PRKD1: variants seen among roughly 807,000 people sequenced by gnomAD.
PRKD1 encodes protein kinase D1, also known as serine/threonine-protein kinase D1.
PRKD1 carries 63 observed loss-of-function variants against 95.9 expected under a neutral mutation model. The ratio of observed to expected loss-of-function variants is 0.66; its 90% CI spans 0.54 to 0.81. The LOEUF is 0.81. PRKD1 is among the 30% of genes least tolerant of loss of function. The probability of loss-of-function intolerance (pLI) is 0.00; values close to 1 mark genes in which losing one functional copy is unlikely to be tolerated. For missense variants in PRKD1, 1,048 were observed against 1,165.3 expected (o/e 0.90, Z 1.47); for synonymous variants, 425 against 423.1 (o/e 1.00, Z -0.05).
intron 2 of PRKD1, among the ~76,000 whole-genome samples, chr14:29,676,851 C>T (rs1883255394): frequency 6.6e-6 from 1 of 152,156 alleles, no homozygotes; most frequent in African/African-American, 2.4e-5. Flanking sequence ...ATTTATGAGA[C>T]CCTCTAGAGC....
chr14:29,878,359 A>C (rs1893381230), intron 1 of PRKD1, among the ~76,000 whole-genome samples: 1 of 151,608 alleles, frequency 6.6e-6, no homozygotes, highest in Non-Finnish European at 1.5e-5. Flanking sequence ...AAAAAAAAAA[A>C]AAACCTACAC....
At chr14:29,813,262 C>A (rs894891440) in intron 1 of PRKD1, among the ~76,000 whole-genome samples, 1 of 152,120 alleles carries the variant, frequency 6.6e-6, no homozygotes, top group African/African-American at 2.4e-5. Flanking sequence ...TGTGGGAAAG[C>A]CCAAAATCAA....
intron 1 of PRKD1, among the ~76,000 whole-genome samples, chr14:29,914,776 T>TC (rs1335694138): frequency 4.0e-5 from 6 of 150,368 alleles, no homozygotes; most frequent in Non-Finnish European, 8.8e-5. Flanking sequence ...ACTTTTCTTT[T>TC]CTTTTTTTTT....
chr14:29,664,510 C>T (rs1157871646), intron 3 of PRKD1, among the ~76,000 whole-genome samples: 2 of 152,138 alleles, frequency 1.3e-5, no homozygotes, highest in Non-Finnish European at 2.9e-5. Flanking sequence ...CTTAGAATCT[C>T]TCCATGTGTC....
chr14:29,847,695 G>A lies in PRKD1; in HGVS notation c.264+79554C>T, dbSNP rs548246422. Among the ~76,000 whole-genome samples, 22 of 152,250 alleles carry A rather than the reference G, an allele frequency of 1.4e-4. No individual in the cohort carries two copies. The East Asian group carries it at 2.3e-3, about 16-fold the overall frequency. On this transcript the variant is annotated intron_variant, in intron 1 of 17. Transcript: ENST00000331968. ...AATCCTCTGAAATATCAGCTAGCCC[G>A]TTTAAGATTCATGCTTCCATTGCCT...
chr14:29,795,882 T>C (rs577571175), intron 1 of PRKD1, among the ~76,000 whole-genome samples: 40 of 152,264 alleles, frequency 2.6e-4, no homozygotes, highest in East Asian at 5.8e-4. Flanking sequence ...TATTGGTAGA[T>C]AGGCAAAAAG....
chr14:29,785,515 C>A (rs1889230836), intron 1 of PRKD1, among the ~76,000 whole-genome samples: 1 of 152,056 alleles, frequency 6.6e-6, no homozygotes, highest in South Asian at 2.1e-4. Flanking sequence ...CAAAGAGGGA[C>A]AATTTGACTT....
At chr14:29,903,598 C>A (rs1308721145) in intron 1 of PRKD1, among the ~76,000 whole-genome samples, 1 of 152,148 alleles carries the variant, frequency 6.6e-6, no homozygotes, top group Non-Finnish European at 1.5e-5. Context: ...GAGTACTATT[C>A]CAACATCCTG....
At chr14:29,678,472 A>T (rs1426754430) in intron 2 of PRKD1, among the ~76,000 whole-genome samples, 2 of 152,152 alleles carry the variant, frequency 1.3e-5, no homozygotes, top group Non-Finnish European at 2.9e-5. Context: ...AAGTTTTTTT[A>T]AATTGTATGC....
Position 29,630,054 on chromosome 14 carries a change from TTG to T in PRKD1, c.1672+686_1672+687del, listed in dbSNP as rs1290788618. Among the ~76,000 whole-genome samples the T allele has an allele frequency of 2.0e-5, 3 of 150,550 alleles. 1 individual carries two copies. The highest frequency in any genetic ancestry group is 7.4e-5 in the African/African-American group (3 of 40,808). ...CTTCTTCTCCCTCTTCTTTTTCTTC[TTG>T]CTCTTTCTCTTCCTCTTCCTCTTCA... On this transcript the variant is annotated intron_variant, in intron 10 of 17. Transcript: ENST00000331968.
intron 13 of PRKD1, among the ~76,000 whole-genome samples, chr14:29,618,258 ATT>A (rs34749231): frequency 6.9e-6 from 1 of 145,588 alleles, no homozygotes; most frequent in Non-Finnish European, 1.5e-5. Flanking sequence ...ATCTACATTC[ATT>A]TTTTTTTTTT....
chr14:29,602,572 G>A (rs1174809580), intron 13 of PRKD1, among the ~76,000 whole-genome samples: 1 of 151,952 alleles, frequency 6.6e-6, no homozygotes, highest in African/African-American at 2.4e-5. Context: ...TGGGATTACA[G>A]GCATGCACCA....
At chr14:29,599,913 T>C (rs1893454893) in intron 13 of PRKD1, 96 bp from the exon 14 acceptor site, 6 of 1,119,378 alleles carry the variant, frequency 5.4e-6, no homozygotes, top group South Asian at 3.8e-5. Flanking sequence ...CTTAGAGCTA[T>C]AGAGAAACCC....
At chr14:29,854,858 C>A (rs1227596618) in intron 1 of PRKD1, among the ~76,000 whole-genome samples, 1 of 152,184 alleles carries the variant, frequency 6.6e-6, no homozygotes, top group East Asian at 1.9e-4. Flanking sequence ...CTCAAAGGGG[C>A]CAACAGGGAG....
intron 2 of PRKD1, among the ~76,000 whole-genome samples, chr14:29,694,227 T>C (rs759136892): frequency 5.9e-5 from 9 of 152,200 alleles, no homozygotes; most frequent in African/African-American, 9.6e-5. Flanking sequence ...CAGAATACAG[T>C]AAAATCGTTA....
At chr14:29,844,251 G>T (rs953121539) in intron 1 of PRKD1, among the ~76,000 whole-genome samples, 1 of 152,222 alleles carries the variant, frequency 6.6e-6, no homozygotes, top group African/African-American at 2.4e-5. Flanking sequence ...GCAAAGCTAG[G>T]ACAACTTTCT....
intron 1 of PRKD1, among the ~76,000 whole-genome samples, chr14:29,782,070 A>G (rs1889072800): frequency 6.6e-6 from 1 of 152,148 alleles, no homozygotes; most frequent in Non-Finnish European, 1.5e-5. Flanking sequence ...AATATCTAAA[A>G]CCATTTGTTT....
intron 1 of PRKD1, among the ~76,000 whole-genome samples, chr14:29,836,594 T>C (rs1891620482): frequency 6.6e-6 from 1 of 152,154 alleles, no homozygotes; most frequent in South Asian, 2.1e-4. Context: ...GAGTAGGCAG[T>C]GGGAACTACA....
intron 1 of PRKD1, among the ~76,000 whole-genome samples, chr14:29,762,180 A>C (rs1174623833): frequency 6.6e-6 from 1 of 152,154 alleles, no homozygotes; most frequent in South Asian, 2.1e-4. Flanking sequence ...GGATAAACAC[A>C]CTAGTTTTAT....
Sources: allele counts gnomAD v4.1 joint callset (sites outside exome capture counted in the v4.1 genomes callset), GRCh38; gene constraint gnomAD v4.1.1; transcripts MANE v1.5; gene names NCBI Gene and HGNC (gene_info 2026-07-23, HGNC 2026-07-21).